PDE4B: variants seen among roughly 807,000 people sequenced by gnomAD.
PDE4B encodes phosphodiesterase 4B, also known as 3',5'-cyclic-AMP phosphodiesterase 4B.
In PDE4B, 20 loss-of-function variants were observed where a neutral mutation model predicts 82.2. The ratio of observed to expected loss-of-function variants is 0.24; its 90% CI spans 0.17 to 0.35. PDE4B has a LOEUF of 0.35. Ranked by LOEUF, PDE4B falls within the 10% of genes least tolerant of loss-of-function variation. The pLI is 1.00. For missense variants in PDE4B, 655 were observed against 907.2 expected (o/e 0.72, Z 3.57); for synonymous variants, 320 against 318.9 (o/e 1.00, Z -0.04).
chr1:66,323,177 G>A (rs1037862906), intron 7 of PDE4B, among the ~76,000 whole-genome samples: 1 of 152,122 alleles, frequency 6.6e-6, no homozygotes, highest in Non-Finnish European at 1.5e-5. Flanking sequence ...GGCCTTCCAT[G>A]GCTGTATATA....
chr1:65,921,465 G>T (rs993346112), intron 3 of PDE4B, among the ~76,000 whole-genome samples: 1 of 152,122 alleles, frequency 6.6e-6, no homozygotes, highest in Admixed American at 6.5e-5. Flanking sequence ...CTAGGACTAC[G>T]TGAGAGAAAG....
chr1:66,157,005 C>G (rs1354983869), intron 3 of PDE4B, among the ~76,000 whole-genome samples: 1 of 152,118 alleles, frequency 6.6e-6, no homozygotes, highest in African/African-American at 2.4e-5. Context: ...AGTTCTCTCC[C>G]TTGAGCTCTA....
intron 3 of PDE4B, among the ~76,000 whole-genome samples, chr1:66,156,568 C>T (rs1421384648): frequency 3.9e-5 from 6 of 152,160 alleles, no homozygotes; most frequent in Admixed American, 6.6e-5. Context: ...ATATCTCCAT[C>T]CTTAGACTCC....
intron 7 of PDE4B, among the ~76,000 whole-genome samples, chr1:66,290,639 C>T (rs1657004590): frequency 6.6e-6 from 1 of 152,196 alleles, no homozygotes; most frequent in South Asian, 2.1e-4. Context: ...AGCAATCAGA[C>T]TTCAGTGGCC....
chr1:66,153,281 T>C (rs1646439187), intron 3 of PDE4B, among the ~76,000 whole-genome samples: 1 of 152,156 alleles, frequency 6.6e-6, no homozygotes, highest in African/African-American at 2.4e-5. Context: ...CCTACTCTCA[T>C]CTCTTGGATC....
At chr1:66,164,755 C>CTTTTTTTTTTTTTTT (rs145224852) in intron 3 of PDE4B, among the ~76,000 whole-genome samples, 2 of 87,872 alleles carry the variant, frequency 2.3e-5, no homozygotes, top group Non-Finnish European at 4.2e-5. Flanking sequence ...CTTTTCTTTT[C>CTTTTTTTTTTTTTTT]TTTTTTTTTT....
intron 1 of PDE4B, among the ~76,000 whole-genome samples, chr1:65,848,243 G>T (rs1031808802): frequency 2.0e-5 from 3 of 151,906 alleles, no homozygotes; most frequent in African/African-American, 7.3e-5. Context: ...GGTTCAAGCA[G>T]TTCTCCCGCA....
At chr1:65,828,949 C>A (rs565455757) in intron 1 of PDE4B, among the ~76,000 whole-genome samples, 1 of 152,220 alleles carries the variant, frequency 6.6e-6, no homozygotes, top group East Asian at 1.9e-4. Flanking sequence ...TATATAAACT[C>A]AACCAGATTA....
chr1:66,183,586 C>T (rs985202450), intron 3 of PDE4B, among the ~76,000 whole-genome samples: 4 of 152,140 alleles, frequency 2.6e-5, no homozygotes, highest in Non-Finnish European at 4.4e-5. Context: ...ATCTGTATAG[C>T]ACTTTAAAGT....
intron 3 of PDE4B, among the ~76,000 whole-genome samples, chr1:66,111,728 G>A (rs926279906): frequency 2.6e-5 from 4 of 152,070 alleles, no homozygotes; most frequent in African/African-American, 9.6e-5. Flanking sequence ...TTTCTCACTG[G>A]CCATGGATCT....
At chr1:65,861,736 T>G (rs537999553) in intron 1 of PDE4B, among the ~76,000 whole-genome samples, 3 of 152,204 alleles carry the variant, frequency 2.0e-5, no homozygotes, top group Non-Finnish European at 4.4e-5. Context: ...AGCAGTGGTT[T>G]GCAGTTCTTC....
chr1:65,892,816 C>T (rs1361702532), intron 1 of PDE4B, among the ~76,000 whole-genome samples: 3 of 151,980 alleles, frequency 2.0e-5, no homozygotes, highest in Admixed American at 6.6e-5. Context: ...GGCATTACTC[C>T]CTTCTCTTTT....
rs1177506018 is a variant in PDE4B, at chr1:66,361,739, T to A, written c.966T>A (p.Asn322Lys). 1 of 1,613,432 alleles carries A rather than the reference T, an allele frequency of 6.2e-7. No individual in the cohort carries two copies. The highest frequency in any genetic ancestry group is 1.3e-5 in the African/African-American group (1 of 74,990). ...KKLMHSSSLN[N>K]TSISRFGVNT... Reference sequence around the variant, plus strand: ...TAATGCATAGTTCAAGCCTAAACAATACAAGCATCTCACGCTTTGGAGTCA... The same window carrying A: ...TAATGCATAGTTCAAGCCTAAACAAAACAAGCATCTCACGCTTTGGAGTCA... The change falls in exon 10 of 17, where the codon AAT becomes AAA. Residue 322 changes from asparagine (N) to lysine (K), a missense_variant. Around this residue, in one of 3 missense-constraint regions of PDE4B, gnomAD observed 283 missense variants for 516.4 expected, o/e 0.55. Transcript: ENST00000341517.
chr1:65,952,682 C>CA (rs1472532589), intron 3 of PDE4B, among the ~76,000 whole-genome samples: 3 of 151,492 alleles, frequency 2.0e-5, no homozygotes, highest in Non-Finnish European at 2.9e-5. Flanking sequence ...AACTTGGTCT[C>CA]AAAAAAATAA....
chr1:65,935,986 A>G (rs1004069562), intron 3 of PDE4B, among the ~76,000 whole-genome samples: 3 of 152,218 alleles, frequency 2.0e-5, no homozygotes, highest in Admixed American at 1.3e-4. Context: ...AACACGTTGT[A>G]TAGCTGCATA....
At chr1:66,175,879 C>A (rs1203139127) in intron 3 of PDE4B, among the ~76,000 whole-genome samples, 2 of 152,148 alleles carry the variant, frequency 1.3e-5, no homozygotes, top group Non-Finnish European at 2.9e-5. Flanking sequence ...AAGTGTGGTG[C>A]ACTTGCCTCA....
chr1:66,262,550 G>A (rs1012599805), intron 6 of PDE4B, among the ~76,000 whole-genome samples: 6 of 152,176 alleles, frequency 3.9e-5, no homozygotes, highest in African/African-American at 7.2e-5. Context: ...AATCAGCCAC[G>A]TAACTTCTTA....
chr1:65,915,348 A>G (rs1647147467), intron 2 of PDE4B, among the ~76,000 whole-genome samples: 1 of 152,190 alleles, frequency 6.6e-6, no homozygotes, highest in Non-Finnish European at 1.5e-5. Flanking sequence ...ATTTAGCTTC[A>G]ATAGGGACTC....
chr1:66,236,874 T>A (rs778759791), intron 3 of PDE4B, among the ~76,000 whole-genome samples: 2 of 152,226 alleles, frequency 1.3e-5, no homozygotes, highest in Non-Finnish European at 2.9e-5. Context: ...ATCCACGATG[T>A]ACCATTTAAT....
Sources: allele counts gnomAD v4.1 joint callset (sites outside exome capture counted in the v4.1 genomes callset), GRCh38; gene constraint gnomAD v4.1.1; regional missense constraint gnomAD v4.1.1; transcripts MANE v1.5; gene names NCBI Gene and HGNC (gene_info 2026-07-23, HGNC 2026-07-21).